The following MELK variants were observed in gnomAD, a reference collection of about 807,000 sequenced individuals.
MELK encodes the protein maternal embryonic leucine zipper kinase.
Under a neutral mutation model 85.0 loss-of-function variants are expected in MELK, and 81 were observed. That is an observed-to-expected ratio of 0.95 (90% CI 0.80 to 1.15). The LOEUF (loss-of-function observed/expected upper bound fraction) is 1.15. MELK is among the 50% of genes most tolerant of loss of function. The pLI is 0.00. For synonymous variants in MELK, 252 were observed against 265.0 expected (o/e 0.95, Z 0.48); for missense variants, 754 against 777.5 (o/e 0.97, Z 0.36).
At chr9:36,631,520 C>T (rs1828620614) in intron 9 of MELK, among the ~76,000 whole-genome samples, 2 of 151,614 alleles carry the variant, frequency 1.3e-5, no homozygotes, top group South Asian at 4.2e-4. Context: ...CCCGCCTTGG[C>T]CTCCCAAAGT....
At chr9:36,636,798 T>TCTG (rs1564191179) in intron 10 of MELK, among the ~76,000 whole-genome samples, 25 of 82,176 alleles carry the variant, frequency 3.0e-4, no homozygotes, top group African/African-American at 7.3e-4. Context: ...CTGTCTTTCT[T>TCTG]TCTTTCTGTC....
intron 4 of MELK, among the ~76,000 whole-genome samples, chr9:36,592,930 G>A (rs1823777634): frequency 6.6e-6 from 1 of 152,052 alleles, no homozygotes; most frequent in Admixed American, 6.6e-5. Context: ...CAGCCCTTTT[G>A]AAGTTTTCCC....
chr9:36,615,932 T>G (rs1412122775), intron 8 of MELK, among the ~76,000 whole-genome samples: 2 of 151,508 alleles, frequency 1.3e-5, no homozygotes, highest in African/African-American at 2.4e-5. Context: ...GCAGAGACAC[T>G]CCTCACTTCC....
intron 11 of MELK, among the ~76,000 whole-genome samples, chr9:36,643,561 T>C (rs569165750): frequency 3.0e-4 from 45 of 152,286 alleles, no homozygotes; most frequent in Non-Finnish European, 6.0e-4. Flanking sequence ...ACAGTCCTGA[T>C]GTGTGCTAGA....
intron 15 of MELK, 50 bp from the exon 16 acceptor site, chr9:36,670,948 C>T: frequency 6.5e-7 from 1 of 1,544,132 alleles, no homozygotes; most frequent in South Asian, 1.3e-5. Flanking sequence ...GTGGACCCCA[C>T]AGGCCGGAGG....
At chr9:36,590,152 C>A (rs573521855) in intron 4 of MELK, among the ~76,000 whole-genome samples, 27 of 152,086 alleles carry the variant, frequency 1.8e-4, no homozygotes, top group African/African-American at 6.3e-4. Context: ...AATCTCCTGA[C>A]CTTGTGATCT....
intron 13 of MELK, among the ~76,000 whole-genome samples, chr9:36,664,123 C>T (rs1221880468): frequency 6.6e-6 from 1 of 151,982 alleles, no homozygotes. Flanking sequence ...ATGTGCATTG[C>T]ACTTTTCATT....
intron 7 of MELK, 79 bp downstream of exon 7, chr9:36,599,565 G>A (rs1587383209): frequency 1.5e-5 from 14 of 961,546 alleles, no homozygotes; most frequent in Admixed American, 1.2e-4. Flanking sequence ...GGCACTGTGC[G>A]TTGGGGGTAT....
At chr9:36,576,969 T>C (rs999128937) in intron 1 of MELK, among the ~76,000 whole-genome samples, 1 of 152,186 alleles carries the variant, frequency 6.6e-6, no homozygotes, top group African/African-American at 2.4e-5. Context: ...TCATTCAGAA[T>C]TTTTTCCACC....
chr9:36,614,271 G>A (rs1191730832), intron 8 of MELK, among the ~76,000 whole-genome samples: 2 of 151,646 alleles, frequency 1.3e-5, no homozygotes, highest in African/African-American at 2.4e-5. Flanking sequence ...AAGTTTTGTA[G>A]TTTTAGTAGA....
intron 10 of MELK, among the ~76,000 whole-genome samples, chr9:36,642,416 A>C (rs2136929878): frequency 7.1e-6 from 1 of 141,438 alleles, no homozygotes; most frequent in African/African-American, 2.8e-5. Flanking sequence ...TGTACAACAG[A>C]ACTTTTTTTT....
intron 7 of MELK, 32 bp from the exon 8 acceptor site, chr9:36,607,543 C>A: frequency 6.8e-7 from 1 of 1,471,418 alleles, no homozygotes; most frequent in Non-Finnish European, 9.5e-7. Context: ...ATTTTTGTTT[C>A]AGTAATTTTT....
chr9:36,643,332 G>A (rs1333051897), intron 11 of MELK, among the ~76,000 whole-genome samples: 5 of 151,906 alleles, frequency 3.3e-5, no homozygotes, highest in African/African-American at 9.7e-5. Context: ...GCAGTGAGCT[G>A]AGATCACACC....
At chr9:36,656,958 T>C (rs1249317682) in intron 12 of MELK, among the ~76,000 whole-genome samples, 1 of 152,160 alleles carries the variant, frequency 6.6e-6, no homozygotes, top group Non-Finnish European at 1.5e-5. Flanking sequence ...AAATACTTAT[T>C]GTTGTGTTAG....
chr9:36,640,719 G>C (rs1013493245), intron 10 of MELK, among the ~76,000 whole-genome samples: 4 of 152,150 alleles, frequency 2.6e-5, no homozygotes, highest in African/African-American at 9.7e-5. Context: ...CAAAGCCCTG[G>C]GATTACAGGC....
intron 5 of MELK, among the ~76,000 whole-genome samples, chr9:36,595,142 G>C (rs1824060149): frequency 1.4e-5 from 2 of 148,004 alleles, no homozygotes; most frequent in South Asian, 4.3e-4. Flanking sequence ...GGTCAGTCTG[G>C]TCATTTTTTT....
intron 9 of MELK, among the ~76,000 whole-genome samples, chr9:36,631,093 A>T (rs1450374870): frequency 6.6e-6 from 1 of 150,540 alleles, no homozygotes; most frequent in Non-Finnish European, 1.5e-5. Flanking sequence ...CCTCCTGAGT[A>T]GCTAGTACTA....
chr9:36,590,174 C>T (rs1423121883), intron 4 of MELK, among the ~76,000 whole-genome samples: 1 of 152,102 alleles, frequency 6.6e-6, no homozygotes, highest in Non-Finnish European at 1.5e-5. Context: ...CCCTCCTCGG[C>T]CTCCCAGAGT....
chr9:36,580,538 C>T (rs551774820), intron 1 of MELK, among the ~76,000 whole-genome samples: 2 of 151,428 alleles, frequency 1.3e-5, no homozygotes, highest in South Asian at 2.1e-4. Context: ...AGGCTGGTCT[C>T]GAACCCTGAC....
Sources: allele counts gnomAD v4.1 joint callset (sites outside exome capture counted in the v4.1 genomes callset), GRCh38; gene constraint gnomAD v4.1.1; transcripts MANE v1.5; gene names NCBI Gene and HGNC (gene_info 2026-07-23, HGNC 2026-07-21).